Variants in PLA2R1 observed in about 807,000 individuals in gnomAD.
PLA2R1 encodes the protein phospholipase A2 receptor 1, also known as secretory phospholipase A2 receptor.
PLA2R1 carries 158 observed loss-of-function variants against 195.9 expected under a neutral mutation model. That is an observed-to-expected ratio of 0.81 (90% CI 0.71 to 0.92). The LOEUF (loss-of-function observed/expected upper bound fraction) is 0.92, where lower values mean the gene tolerates loss of function less well. Ranked by LOEUF, PLA2R1 falls within the 40% of genes least tolerant of loss-of-function variation. The pLI, the probability that PLA2R1 is intolerant of heterozygous loss-of-function variation, is 0.00. For synonymous variants in PLA2R1, 586 were observed against 598.2 expected (o/e 0.98, Z 0.30); for missense variants, 1,626 against 1,764.6 (o/e 0.92, Z 1.41).
rs764390729 is a variant in PLA2R1, at chr2:159,955,861, A to G, written c.3023-33T>C. On this transcript the variant is annotated intron_variant, in intron 21 of 29. Coordinates refer to ENST00000283243, the MANE Select transcript of PLA2R1 (RefSeq NM_007366.5). Reference sequence around the variant, plus strand: ...ACAGGAATACATTATCTAATTTAATACTGTAGAAAGCATTTGGGTAATCAC... The same window carrying G: ...ACAGGAATACATTATCTAATTTAATGCTGTAGAAAGCATTTGGGTAATCAC... 5 of 1,494,126 alleles carry G rather than the reference A, an allele frequency of 3.3e-6. No homozygotes were observed. The Admixed American group carries it at 8.9e-5, about 27-fold the overall frequency. 92.6% of individuals were successfully genotyped at this position (1,494,126 alleles called of 1,614,324 possible).
intron 1 of PLA2R1, among the ~76,000 whole-genome samples, chr2:160,057,897 C>A (rs955746521): frequency 2.6e-5 from 4 of 152,208 alleles, no homozygotes; most frequent in African/African-American, 9.6e-5. Flanking sequence ...CCAGGAGCAC[C>A]AGGGGGTGAA....
chr2:159,976,600 T>G, intron 16 of PLA2R1, 85 bp downstream of exon 16: 1 of 847,714 alleles, frequency 1.2e-6, no homozygotes. Flanking sequence ...TTGAGAAATG[T>G]AACAACACAT....
At chr2:160,021,376 T>G (rs1018961239) in intron 7 of PLA2R1, among the ~76,000 whole-genome samples, 1 of 152,188 alleles carries the variant, frequency 6.6e-6, no homozygotes, top group Admixed American at 6.5e-5. Flanking sequence ...ATCATGTAAG[T>G]ATCCATCAGA....
In PLA2R1 at chr2:160,044,868, C is replaced by T. The variant is rs369614047; in HGVS notation, c.399G>A (p.Ala133=). The T allele has an allele frequency of 1.1e-5, 17 of 1,613,918 alleles. No homozygotes were observed. The highest frequency in any genetic ancestry group is 2.2e-5 in the South Asian group (2 of 91,080). ...GTGAGGCCACCACTGTGTTGTCATG[C>T]GCCACCTGGACAGAGTACTGCAGCG... ...TGPLQYSVQV[A]HDNTVVASRK... is the part of the protein sequence containing the mutation. Residue 133 remains alanine (A), a synonymous_variant, in exon 2 of 30, where the codon GCG becomes GCA. Coordinates refer to ENST00000283243, the MANE Select transcript of PLA2R1 (RefSeq NM_007366.5).
chr2:160,046,347 C>T (rs1205470125), intron 1 of PLA2R1, among the ~76,000 whole-genome samples: 1 of 152,168 alleles, frequency 6.6e-6, no homozygotes, highest in East Asian at 1.9e-4. Flanking sequence ...TTCTTCAAAA[C>T]TCTGAAGGGA....
rs1169544484 is a variant in PLA2R1, at chr2:160,037,549, A to G, written c.668-4417T>C. Among the ~76,000 whole-genome samples the G allele has an allele frequency of 2.0e-5, 3 of 152,238 alleles. No individual in the cohort carries two copies. In the East Asian group the frequency reaches 5.8e-4, roughly 29 times the overall value. On this transcript the variant is annotated intron_variant, in intron 3 of 29. Coordinates refer to ENST00000283243, the MANE Select transcript of PLA2R1 (RefSeq NM_007366.5). ...TATTTTATCACTGACATTGTTTGGA[A>G]TGGTTAGAGCATGTGCCTGGTGACT...
intron 10 of PLA2R1, among the ~76,000 whole-genome samples, chr2:160,007,112 T>C (rs1692037732): frequency 6.6e-6 from 1 of 152,242 alleles, no homozygotes; most frequent in Non-Finnish European, 1.5e-5. Flanking sequence ...GTTCTTTTTT[T>C]AATCCAGATC....
intron 19 of PLA2R1, among the ~76,000 whole-genome samples, 200 bp downstream of exon 19, chr2:159,969,056 T>C (rs1688969219): frequency 6.6e-6 from 1 of 152,184 alleles, no homozygotes; most frequent in South Asian, 2.1e-4. Context: ...AGATGTAAAT[T>C]ATTTCCAAGA....
chr2:160,030,838 C>A (rs1016453513), intron 4 of PLA2R1, among the ~76,000 whole-genome samples: 2 of 152,160 alleles, frequency 1.3e-5, no homozygotes, highest in Non-Finnish European at 2.9e-5. Context: ...CCAAACAATT[C>A]CCAAAGACTA....
intron 11 of PLA2R1, among the ~76,000 whole-genome samples, chr2:160,001,642 T>C (rs1462534544): frequency 2.6e-5 from 4 of 151,968 alleles, no homozygotes; most frequent in African/African-American, 9.7e-5. Flanking sequence ...ATACTAATTT[T>C]TAAAAAGTTA....
chr2:160,061,435 T>C (rs1404573227), intron 1 of PLA2R1, among the ~76,000 whole-genome samples: 2 of 152,136 alleles, frequency 1.3e-5, no homozygotes, highest in East Asian at 3.9e-4. Flanking sequence ...AGGCTTCAGA[T>C]CACGCAGTTC....
chr2:159,985,115 C>CATTTATTCCAACTCTGTCAATAAA, intron 12 of PLA2R1, among the ~76,000 whole-genome samples: 3 of 152,304 alleles, frequency 2.0e-5, no homozygotes, highest in Admixed American at 2.0e-4. Context: ...CTAAACCAGG[C>CATTTATTCCAACTCTGTCAATAAA]ATTTATTCCA....
At position 160,028,270 on chromosome 2, in the gene PLA2R1, G is replaced by C; in HGVS notation, c.1047C>G (p.Thr349=). ...GATATTTTTTACATATATATGGCAA[G>C]GTGGACTCACAATCCCGACTCCTCC... ...SAWRSRDCES[T]LPYICKKYLN... is the part of the protein sequence containing the mutation. Residue 349 remains threonine (T), a synonymous_variant, in exon 6 of 30, where the codon ACC becomes ACG. Transcript: ENST00000283243. The C allele has an allele frequency of 6.2e-7, 1 of 1,603,772 alleles. No homozygotes were observed. The highest frequency in any genetic ancestry group is 8.5e-7 in the Non-Finnish European group (1 of 1,171,714).
intron 14 of PLA2R1, among the ~76,000 whole-genome samples, chr2:159,978,833 C>T (rs908032826): frequency 2.6e-5 from 4 of 152,134 alleles, no homozygotes; most frequent in African/African-American, 4.8e-5. Flanking sequence ...CATCTTGGTA[C>T]GGGGCTTTCT....
chr2:159,967,948 A>G (rs1688894749), intron 19 of PLA2R1, among the ~76,000 whole-genome samples: 1 of 152,230 alleles, frequency 6.6e-6, no homozygotes, highest in Admixed American at 6.5e-5. Context: ...AGAACTGATT[A>G]AAATCTTAAG....
chr2:159,969,725 TAG>T (rs112985817), intron 18 of PLA2R1, among the ~76,000 whole-genome samples: 1 of 152,096 alleles, frequency 6.6e-6, no homozygotes, highest in Admixed American at 6.6e-5. Context: ...GTATTTTTAG[TAG>T]AGAGAGAGTT....
At chr2:160,022,377 AG>A (rs2105474497) in intron 7 of PLA2R1, among the ~76,000 whole-genome samples, 1 of 151,904 alleles carries the variant, frequency 6.6e-6, no homozygotes, top group East Asian at 1.9e-4. Flanking sequence ...GCTAAATTAC[AG>A]GTTTAGGTTT....
chr2:159,984,077 T>C lies in PLA2R1; in HGVS notation c.2038-4A>G, dbSNP rs1256373780. On this transcript the variant is annotated splice_region_variant and splice_polypyrimidine_tract_variant and intron_variant, in intron 12 of 29. Transcript: ENST00000283243. ...GAACTTTTTCACTATGAAATACCTGTATAGTAAAAGAAAATAAATTAACAT... is the reference window on the plus strand; with the variant it reads ...GAACTTTTTCACTATGAAATACCTGCATAGTAAAAGAAAATAAATTAACAT... 2.8e-6 allele frequency: 4 copies of C among 1,407,972 alleles called. No individual in the cohort carries two copies. Among genetic ancestry groups the C allele is most frequent in the Admixed American group, 3.9e-5 (2 of 51,896 alleles). The allele number at this position is 1,407,972 out of a possible 1,614,324, so 87.2% of individuals were successfully genotyped here.
chr2:159,976,704 A>G lies in PLA2R1; in HGVS notation c.2418T>C (p.Ile806=). ...TCTTACCGTACTGGTACCAGAACGG[A>G]ATCTTGGGTTTCACATCTGCAAAGT... The part of the protein sequence containing the change: ...CKIPRDVKPK[I]PFWYQYDVPW... Residue 806 remains isoleucine, a synonymous_variant, in exon 16 of 30, where the codon ATT becomes ATC. Transcript: ENST00000283243. 6.2e-7 allele frequency: 1 copy of G among 1,609,888 alleles called. No individual in the cohort carries two copies. The highest frequency in any genetic ancestry group is 8.5e-7 in the Non-Finnish European group (1 of 1,176,346).
Sources: allele counts gnomAD v4.1 joint callset (sites outside exome capture counted in the v4.1 genomes callset), GRCh38; gene constraint gnomAD v4.1.1; transcripts MANE v1.5; gene names NCBI Gene and HGNC (gene_info 2026-07-23, HGNC 2026-07-21).